CAMKK1: variants seen among roughly 807,000 people sequenced by gnomAD.
CAMKK1 encodes calcium/calmodulin-dependent protein kinase kinase 1.
CAMKK1 carries 20 observed loss-of-function variants against 63.5 expected under a neutral mutation model. The observed-to-expected ratio is 0.32, with a 90% CI of 0.22 to 0.46. The LOEUF is 0.46. Among genes scored for constraint, CAMKK1 ranks in the 20% least tolerant of loss-of-function variants. The pLI, the probability that CAMKK1 is intolerant of heterozygous loss-of-function variation, is 1.00. For synonymous variants in CAMKK1, 253 were observed against 269.0 expected, an observed-to-expected ratio of 0.94 and a Z score of 0.58; for missense variants, 588 against 658.1, an observed-to-expected ratio of 0.89 and a Z score of 1.17.
At chr17:3,871,347 G>GTTTTTTTTTTTTTTTTT (rs869219931) in intron 12 of CAMKK1, among the ~76,000 whole-genome samples, 27 of 104,362 alleles carry the variant, frequency 2.6e-4, no homozygotes, top group Admixed American at 3.4e-4. Flanking sequence ...TTTTTTTTTT[G>GTTTTTTTTTTTTTTTTT]TTTTTTTTTT....
rs1181572625 is a variant in CAMKK1 at position 3,862,203 on chromosome 17, G to A, written c.*8C>T. On this transcript the variant is annotated 3_prime_UTR_variant, in exon 16 of 16. Coordinates refer to ENST00000348335, the MANE Select transcript of CAMKK1 (RefSeq NM_032294.3). This position sits in a 1 kb window ranked among gnomAD's most constrained non-coding sequence, Gnocchi z 4.1. ...TGCTGCCGGGTGGCCCTGGGTGCAT[G>A]CAGGGGCTCAGGATGCAGCCTCGTC... 6.3e-7 allele frequency: 1 copy of A among 1,578,136 alleles called. No individual in the cohort carries two copies. The highest frequency in any genetic ancestry group is 2.3e-5 in the East Asian group (1 of 42,984).
Position 3,866,031 on chromosome 17 carries a change from G to A in CAMKK1, c.1342-20C>T, listed in dbSNP as rs556365899. ...CAGGATCTGAGGAGGACAAGGCAGCGTGAGGAGCACAGGTCCCAGGCTCCC... is the reference window on the plus strand; with the variant it reads ...CAGGATCTGAGGAGGACAAGGCAGCATGAGGAGCACAGGTCCCAGGCTCCC... On this transcript the variant is annotated intron_variant, in intron 14 of 15. Transcript: ENST00000348335. 98 of 1,612,320 alleles carry A rather than the reference G, an allele frequency of 6.1e-5. No homozygotes were observed. In the Admixed American group the frequency reaches 1.2e-3, roughly 20 times the overall value.
chr17:3,877,040 G>T (rs1056217148), intron 9 of CAMKK1, among the ~76,000 whole-genome samples: 1 of 152,128 alleles, frequency 6.6e-6, no homozygotes, highest in Non-Finnish European at 1.5e-5. Flanking sequence ...TTACAGGCGT[G>T]AGCCACCGCC....
In CAMKK1 at chr17:3,885,670, A is replaced by G. The variant is rs771595346; in HGVS notation, c.18T>C (p.Ala6=). 1 of 1,613,300 alleles carries G rather than the reference A, an allele frequency of 6.2e-7. No homozygotes were observed. The highest frequency in any genetic ancestry group is 1.1e-5 in the South Asian group (1 of 91,088). Reference sequence around the variant, plus strand: ...CTGCCCGAGGATCCTGGCAGCAGACAGCTGGACCCCCCTCCATTGCTTCAG... The same window carrying G: ...CTGCCCGAGGATCCTGGCAGCAGACGGCTGGACCCCCCTCCATTGCTTCAG... MEGGP[A]VCCQDPRAEL... Residue 6 remains alanine (A), a synonymous_variant, in exon 2 of 16, where the codon GCT becomes GCC. Coordinates refer to ENST00000348335, the MANE Select transcript of CAMKK1 (RefSeq NM_032294.3).
Position 3,865,249 on chromosome 17 carries a change from C to T in CAMKK1, c.1445+659G>A, listed in dbSNP as rs78574241. The T allele has an allele frequency of 9.6e-3, 9,464 of 986,160 alleles. 645 individuals carry two copies. In the African/African-American group the frequency reaches 0.15, roughly 15 times the overall value. 61.1% of individuals were successfully genotyped at this position (986,160 alleles called of 1,614,324 possible). On this transcript the variant is annotated intron_variant, in intron 15 of 15. Transcript: ENST00000348335. Reference sequence around the variant, plus strand: ...TTGGGGAGCTGCTTTTCTGGACCCTCCTAGGAGGTGGTGAACCCACAGGCG... The same window carrying T: ...TTGGGGAGCTGCTTTTCTGGACCCTTCTAGGAGGTGGTGAACCCACAGGCG...
At position 3,883,402 on chromosome 17, in the gene CAMKK1, C is replaced by G. The variant is rs2055501213; in HGVS notation, c.514+27G>C. On this transcript the variant is annotated intron_variant, in intron 5 of 15. Coordinates refer to ENST00000348335, the MANE Select transcript of CAMKK1 (RefSeq NM_032294.3). This position sits in a 1 kb window ranked among gnomAD's most constrained non-coding sequence, Gnocchi z 4.7. ...TCCTCTGCCTCCAGGCTAGGAGCTCCCAGGGACAGGATCAGAAGATACATA... is the reference window on the plus strand; with the variant it reads ...TCCTCTGCCTCCAGGCTAGGAGCTCGCAGGGACAGGATCAGAAGATACATA... 6.2e-7 allele frequency: 1 copy of G among 1,609,724 alleles called. No homozygotes were observed. Among genetic ancestry groups the G allele is most frequent in the African/African-American group, 1.3e-5 (1 of 74,832 alleles).
rs1376156268 is a variant in CAMKK1, at chr17:3,882,661, A to T, written c.649-97T>A. ...CCTTGCCAGCCCCAGAACCCTTAGT[A>T]TGCATGCAACCACCCCAGACAAGGA... On this transcript the variant is annotated intron_variant, in intron 6 of 15. Coordinates refer to ENST00000348335, the MANE Select transcript of CAMKK1 (RefSeq NM_032294.3). The surrounding 1 kb of genome is among the most constrained non-coding windows in gnomAD (Gnocchi z 4.3). 1.7e-6 allele frequency: 2 copies of T among 1,167,198 alleles called. No individual in the cohort carries two copies. Among genetic ancestry groups the T allele is most frequent in the Non-Finnish European group, 2.5e-6 (2 of 800,986 alleles). The allele number at this position is 1,167,198 out of a possible 1,614,324, so 72.3% of individuals were successfully genotyped here.
rs895381358 is a variant in CAMKK1, at chr17:3,862,282, T to G, written c.1447A>C (p.Lys483Gln). Reference protein sequence around the residue: ...SMSAPGNLLVKEGFGEGGKSP... With the variant: ...SMSAPGNLLVQEGFGEGGKSP... Reference sequence around the variant, plus strand: ...TTGCCCCCTTCACCAAACCCTTCTTTCCTGTTCAGGGGACACCAGGGACAG... The same window carrying G: ...TTGCCCCCTTCACCAAACCCTTCTTGCCTGTTCAGGGGACACCAGGGACAG... The change falls in exon 16 of 16, where the codon AAA becomes CAA. Residue 483 changes from lysine (K) to glutamine (Q), a missense_variant and splice_region_variant. By Grantham distance (53) the Lys-to-Gln change is moderately conservative. Around this residue, in one of 3 missense-constraint regions of CAMKK1, gnomAD observed 226 missense variants for 229.2 expected, o/e 0.99. Transcript: ENST00000348335. The surrounding 1 kb of genome is among the most constrained non-coding windows in gnomAD (Gnocchi z 4.1). The G allele has an allele frequency of 3.2e-6, 5 of 1,580,168 alleles. No homozygotes were observed. The highest frequency in any genetic ancestry group is 4.3e-6 in the Non-Finnish European group (5 of 1,162,042).
At position 3,889,118 on chromosome 17, in the gene CAMKK1, T is replaced by C. The variant is rs1401480566; in HGVS notation, c.-43-3388A>G. 1.3e-5 allele frequency among the ~76,000 whole-genome samples: 2 copies of C among 152,104 alleles called. No individual in the cohort carries two copies. The highest frequency in any genetic ancestry group is 2.9e-5 in the Non-Finnish European group (2 of 68,008). On this transcript the variant is annotated intron_variant, in intron 1 of 15. Transcript: ENST00000348335. The surrounding 1 kb of genome is among the most constrained non-coding windows in gnomAD (Gnocchi z 5.2). Reference sequence around the variant, plus strand: ...TGATCCCAGAGCTCATATCTGGACTTTTCCCCATAGTCACTGGTCCCACCA... The same window carrying C: ...TGATCCCAGAGCTCATATCTGGACTCTTCCCCATAGTCACTGGTCCCACCA...
In CAMKK1 at chr17:3,885,319, CCCA is replaced by C. The variant is rs1268180982; in HGVS notation, c.360+6_360+8del. 6.3e-7 allele frequency: 1 copy of C among 1,576,016 alleles called. No homozygotes were observed. Among genetic ancestry groups the C allele is most frequent in the Admixed American group, 1.8e-5 (1 of 56,898 alleles). On this transcript the variant is annotated splice_donor_region_variant and intron_variant, in intron 2 of 15. Coordinates refer to ENST00000348335, the MANE Select transcript of CAMKK1 (RefSeq NM_032294.3). ...GCTCATGAACAACCCCTCGTTCTGC[CCCA>C]CCAACCTCTGCATCTGAGATGGCCA...
In CAMKK1 at chr17:3,873,781, C is replaced by T. The variant is rs1387690541; in HGVS notation, c.997-319G>A. 1.3e-5 allele frequency among the ~76,000 whole-genome samples: 2 copies of T among 152,190 alleles called. 1 individual carries two copies. Among genetic ancestry groups the T allele is most frequent in the Admixed American group, 1.3e-4 (2 of 15,282 alleles). ...ACACGGGCCGCTCCCGTGCCACAGA[C>T]GCACCCCAGGAATGATGGTATATAT... On this transcript the variant is annotated intron_variant, in intron 10 of 15. Coordinates refer to ENST00000348335, the MANE Select transcript of CAMKK1 (RefSeq NM_032294.3).
At chr17:3,873,881 T>C (rs1277563997) in intron 10 of CAMKK1, among the ~76,000 whole-genome samples, 1 of 152,106 alleles carries the variant, frequency 6.6e-6, no homozygotes, top group East Asian at 1.9e-4. Flanking sequence ...TTCTTCCTGA[T>C]ATTGCAAACA....
At chr17:3,865,811 C>T (rs1217555517) in intron 15 of CAMKK1, 97 bp downstream of exon 15, 2 of 1,563,672 alleles carry the variant, frequency 1.3e-6, no homozygotes, top group Non-Finnish European at 1.7e-6. Flanking sequence ...CAGGCTCTGG[C>T]CTTGGCCCAA....
intron 14 of CAMKK1, 35 bp downstream of exon 14, chr17:3,869,452 C>G: frequency 6.2e-7 from 1 of 1,613,382 alleles, no homozygotes; most frequent in Non-Finnish European, 8.5e-7. Context: ...CCCAGGCCCT[C>G]CAGGACAAGG....
In CAMKK1 at chr17:3,882,470, A is replaced by C. The variant is rs558418199; in HGVS notation, c.685+58T>G. ...CCACCTGAAGGTCATACATGTCCCA[A>C]GGGAGCCCTTGGGCCAGCCCTGAGT... On this transcript the variant is annotated intron_variant, in intron 7 of 15. Coordinates refer to ENST00000348335, the MANE Select transcript of CAMKK1 (RefSeq NM_032294.3). The surrounding 1 kb of genome is among the most constrained non-coding windows in gnomAD (Gnocchi z 4.3). The C allele has an allele frequency of 4.4e-6, 7 of 1,597,980 alleles. No homozygotes were observed. The highest frequency in any genetic ancestry group is 4.5e-5 in the East Asian group (2 of 44,660).
At position 3,872,639 on chromosome 17, in the gene CAMKK1, A is replaced by G. The variant is rs2054941335; in HGVS notation, c.1051-12T>C. The G allele has an allele frequency of 1.2e-6, 2 of 1,612,052 alleles. No individual in the cohort carries two copies. The highest frequency in any genetic ancestry group is 2.2e-5 in the East Asian group (1 of 44,884). The stretch of plus-strand genomic sequence containing the variant: ...TCGATGAATGGGCACTGTGGGGTGG[A>G]GAGGCAGACAAAGGATGTGGGTCCA... On this transcript the variant is annotated splice_polypyrimidine_tract_variant and intron_variant, in intron 11 of 15. Coordinates refer to ENST00000348335, the MANE Select transcript of CAMKK1 (RefSeq NM_032294.3).
At chr17:3,870,451 C>T (rs1174941203) in intron 12 of CAMKK1, among the ~76,000 whole-genome samples, 6 of 152,026 alleles carry the variant, frequency 3.9e-5, no homozygotes, top group South Asian at 4.2e-4. Context: ...CTGCAAGCTC[C>T]GCCTCCCAGG....
Position 3,890,693 on chromosome 17 carries a change from T to A in CAMKK1, c.-44+2246A>T. The A allele has an allele frequency of 1.3e-6, 1 of 779,562 alleles. No homozygotes were observed. Among genetic ancestry groups the A allele is most frequent in the East Asian group, 2.4e-5 (1 of 41,234 alleles). The allele number at this position is 779,562 out of a possible 1,614,324, so 48.3% of individuals were successfully genotyped here. A position where few individuals can be genotyped will look rare whatever the true frequency, so the allele number is the denominator to read the frequency against. On this transcript the variant is annotated intron_variant, in intron 1 of 15. Coordinates refer to ENST00000348335, the MANE Select transcript of CAMKK1 (RefSeq NM_032294.3). The surrounding 1 kb of genome is among the most constrained non-coding windows in gnomAD (Gnocchi z 6.5). ...TTGCTCCCCACAACCCCACACTTAC[T>A]CTCCACTGCAGCCACACCACAGCTT...
intron 14 of CAMKK1, among the ~76,000 whole-genome samples, chr17:3,866,506 C>T (rs1012733016): frequency 2.0e-5 from 3 of 152,248 alleles, no homozygotes; most frequent in Admixed American, 2.0e-4. Context: ...CTGCCTTTGT[C>T]CCTCCTCCGT....
Sources: allele counts gnomAD v4.1 joint callset (sites outside exome capture counted in the v4.1 genomes callset), GRCh38; gene constraint gnomAD v4.1.1; regional missense constraint gnomAD v4.1.1; non-coding constraint Gnocchi (gnomAD v3.1); transcripts MANE v1.5; gene names NCBI Gene and HGNC (gene_info 2026-07-23, HGNC 2026-07-21).